Variants in TANC2 observed in about 807,000 individuals in gnomAD.
TANC2 encodes protein TANC2.
In TANC2, 26 loss-of-function variants were observed where a neutral mutation model predicts 210.5. The observed-to-expected ratio is 0.12, with a 90% CI of 0.09 to 0.17. The LOEUF is 0.17. Among genes scored for constraint, TANC2 ranks in the 10% least tolerant of loss-of-function variants. TANC2 has a pLI of 1.00. For missense variants in TANC2, 2,129 were observed against 2,608.9 expected (o/e 0.82, Z 4.01); for synonymous variants, 931 against 967.1 (o/e 0.96, Z 0.69).
At chr17:63,261,073 G>C (rs1235729438) in intron 8 of TANC2, among the ~76,000 whole-genome samples, 1 of 152,034 alleles carries the variant, frequency 6.6e-6, no homozygotes, top group South Asian at 2.1e-4. Flanking sequence ...CTCTACAAAA[G>C]AAATTGTTTT....
chr17:63,294,006 G>A (rs999533670), intron 9 of TANC2, among the ~76,000 whole-genome samples: 3 of 152,168 alleles, frequency 2.0e-5, no homozygotes, highest in African/African-American at 7.2e-5. Context: ...TGGGATGATA[G>A]GCATGAGCCA....
intron 3 of TANC2, among the ~76,000 whole-genome samples, chr17:63,075,477 G>C (rs2036538049): frequency 6.6e-6 from 1 of 152,066 alleles, no homozygotes; most frequent in South Asian, 2.1e-4. Flanking sequence ...GTAAAAGCAT[G>C]TTTCTTAACT....
At chr17:62,983,862 G>A (rs1314984971) in intron 1 of TANC2, among the ~76,000 whole-genome samples, 1 of 151,926 alleles carries the variant, frequency 6.6e-6, no homozygotes, top group African/African-American at 2.4e-5. Flanking sequence ...TACTGGATTT[G>A]GTTTGTTAGT....
intron 2 of TANC2, among the ~76,000 whole-genome samples, chr17:63,040,552 C>A (rs146540974): frequency 3.3e-5 from 5 of 152,140 alleles, no homozygotes; most frequent in Non-Finnish European, 7.4e-5. Flanking sequence ...GTTGGGGGCA[C>A]TATTTTAATC....
At chr17:63,182,924 T>G (rs1457223915) in intron 5 of TANC2, 1 of 152,330 alleles carries the variant, frequency 6.6e-6, no homozygotes, top group African/African-American at 2.4e-5. Flanking sequence ...CAAGCACCAT[T>G]GAGGATTAAG....
At chr17:63,213,446 G>A (rs900473353) in intron 7 of TANC2, among the ~76,000 whole-genome samples, 3 of 152,086 alleles carry the variant, frequency 2.0e-5, no homozygotes, top group African/African-American at 4.8e-5. Flanking sequence ...TTCCAACTAA[G>A]AATTACAGAG....
intron 4 of TANC2, chr17:63,149,419 C>A (rs1202792617): frequency 6.6e-6 from 1 of 151,956 alleles, no homozygotes; most frequent in African/African-American, 2.4e-5. Flanking sequence ...CCTTAAGTTT[C>A]TGGTCTGTCT....
chr17:63,036,820 C>A (rs1340814926), intron 2 of TANC2, among the ~76,000 whole-genome samples: 2 of 149,444 alleles, frequency 1.3e-5, no homozygotes, highest in Non-Finnish European at 3.0e-5. Context: ...AGATCTTGTA[C>A]ATGTTTCATT....
Position 63,420,890 on chromosome 17 carries a change from A to T in TANC2, c.5160A>T (p.Val1720=), listed in dbSNP as rs1414515489. The change falls in exon 28 of 28, where the codon GTA becomes GTT. Residue 1720 remains valine (V), a synonymous_variant. Coordinates refer to ENST00000689528, the Ensembl canonical transcript of TANC2. The surrounding 1 kb of genome is among the most constrained non-coding windows in gnomAD (Gnocchi z 4.2). ...TCCCCACAGGAGCCTATGGCCAAGT[A>T]GCCCATTCAATGGCCAGTAAATACC... 4.3e-6 allele frequency: 7 copies of T among 1,613,940 alleles called. No homozygotes were observed. The Admixed American group carries it at 8.3e-5, about 19-fold the overall frequency.
chr17:63,244,396 C>T (rs1021508795), intron 8 of TANC2, among the ~76,000 whole-genome samples: 14 of 152,250 alleles, frequency 9.2e-5, no homozygotes, highest in African/African-American at 2.9e-4. Context: ...CTCCAGGATC[C>T]GAATCCTACT....
chr17:63,051,992 C>G (rs2035599197), intron 2 of TANC2, among the ~76,000 whole-genome samples: 1 of 152,080 alleles, frequency 6.6e-6, no homozygotes, highest in South Asian at 2.1e-4. Context: ...AAACATAGTG[C>G]ACATCCTGCA....
intron 8 of TANC2, among the ~76,000 whole-genome samples, chr17:63,249,242 C>G (rs567415340): frequency 1.4e-4 from 21 of 152,240 alleles, no homozygotes; most frequent in African/African-American, 4.6e-4. Context: ...CTTAGCTGTT[C>G]ATACACCTTT....
chr17:63,023,232 G>T (rs908518749), intron 2 of TANC2, among the ~76,000 whole-genome samples: 5 of 152,226 alleles, frequency 3.3e-5, no homozygotes, highest in Admixed American at 2.6e-4. Context: ...AGTTATGTGG[G>T]CTGAGCCCAG....
intron 21 of TANC2, among the ~76,000 whole-genome samples, chr17:63,409,504 T>C (rs1202062104): frequency 1.3e-5 from 2 of 152,210 alleles, no homozygotes; most frequent in African/African-American, 4.8e-5. Flanking sequence ...ATTTTTTTAA[T>C]TGACAAGTAA....
At chr17:62,975,716 A>G (rs906521745) in intron 1 of TANC2, among the ~76,000 whole-genome samples, 1 of 152,024 alleles carries the variant, frequency 6.6e-6, no homozygotes, top group Non-Finnish European at 1.5e-5. Flanking sequence ...TGAGTTTTGA[A>G]TCATGAAAAT....
chr17:63,398,397 A>C (rs2048235930), intron 18 of TANC2, among the ~76,000 whole-genome samples: 1 of 151,910 alleles, frequency 6.6e-6, no homozygotes, highest in Non-Finnish European at 1.5e-5. Context: ...TCAAGACTGC[A>C]GTGAGTCATG....
At chr17:63,091,561 T>C (rs973601730) in intron 3 of TANC2, among the ~76,000 whole-genome samples, 1 of 152,212 alleles carries the variant, frequency 6.6e-6, no homozygotes, top group Non-Finnish European at 1.5e-5. Flanking sequence ...TTCTGTTCCA[T>C]TGGTCGATAC....
chr17:63,142,850 A>T (rs1022961547), intron 4 of TANC2, among the ~76,000 whole-genome samples: 2 of 152,058 alleles, frequency 1.3e-5, no homozygotes, highest in Non-Finnish European at 2.9e-5. Context: ...CATATATTAA[A>T]CTCCGATGAG....
chr17:63,025,437 G>A (rs1272341571), intron 2 of TANC2, among the ~76,000 whole-genome samples: 1 of 152,060 alleles, frequency 6.6e-6, no homozygotes, highest in Non-Finnish European at 1.5e-5. Context: ...AAGGTAGAAT[G>A]GAATGAGAAA....
Sources: allele counts gnomAD v4.1 joint callset (sites outside exome capture counted in the v4.1 genomes callset), GRCh38; gene constraint gnomAD v4.1.1; non-coding constraint Gnocchi (gnomAD v3.1); transcripts MANE v1.5; gene names NCBI Gene and HGNC (gene_info 2026-07-23, HGNC 2026-07-21).